Variants in RDH10 observed in about 807,000 individuals in gnomAD.
RDH10 encodes retinol dehydrogenase 10.
Under a neutral mutation model 30.2 loss-of-function variants are expected in RDH10, and 12 were observed. The ratio of observed to expected loss-of-function variants is 0.40; its 90% CI spans 0.25 to 0.64. The LOEUF (loss-of-function observed/expected upper bound fraction) is 0.64, where lower values mean the gene tolerates loss of function less well. Among genes scored for constraint, RDH10 ranks in the 30% least tolerant of loss-of-function variants. RDH10 has a pLI of 0.43. For synonymous variants in RDH10, 189 were observed against 172.2 expected (o/e 1.10, Z -0.76); for missense variants, 268 against 445.2 (o/e 0.60, Z 3.58).
intron 2 of RDH10, among the ~76,000 whole-genome samples, chr8:73,307,735 C>A (rs982410921): frequency 1.3e-5 from 2 of 152,182 alleles, no homozygotes; most frequent in Admixed American, 6.5e-5. Flanking sequence ...GTTCAAAGCT[C>A]CTGGTACAGT....
Position 73,295,822 on chromosome 8 carries a change from G to C in RDH10, c.289+244G>C, listed in dbSNP as rs553069374. ...CGGTCTCTGGGGACCACGGCGGGGG[G>C]AGGGGGCGGGTTTCCTAAGCCCTCC... On this transcript the variant is annotated intron_variant, in intron 1 of 5. Coordinates refer to ENST00000240285, the MANE Select transcript of RDH10 (RefSeq NM_172037.5). 6.5e-6 allele frequency: 8 copies of C among 1,227,402 alleles called. No homozygotes were observed. The African/African-American group carries it at 1.3e-4, about 19-fold the overall frequency. 76.0% of individuals were successfully genotyped at this position (1,227,402 alleles called of 1,614,324 possible).
At chr8:73,304,447 G>C (rs1043990291) in intron 2 of RDH10, among the ~76,000 whole-genome samples, 1 of 151,994 alleles carries the variant, frequency 6.6e-6, no homozygotes, top group Non-Finnish European at 1.5e-5. Context: ...TTCGCTTTTG[G>C]CTTTCCAACC....
At chr8:73,320,823 C>T in intron 3 of RDH10, 109 bp from the exon 4 acceptor site, 2 of 1,052,292 alleles carry the variant, frequency 1.9e-6, no homozygotes, top group Non-Finnish European at 2.8e-6. Flanking sequence ...TCACCTGTAA[C>T]CTTATGTATT....
intron 3 of RDH10, 78 bp from the exon 4 acceptor site, chr8:73,320,854 A>G (rs1814759544): frequency 7.2e-7 from 1 of 1,392,928 alleles, no homozygotes; most frequent in Non-Finnish European, 1.0e-6. Flanking sequence ...ACATGGTAAT[A>G]GGACCAGGGA....
Position 73,313,577 on chromosome 8 carries a change from C to G in RDH10, c.526-5519C>G, listed in dbSNP as rs73330924. 2.7e-3 allele frequency among the ~76,000 whole-genome samples: 404 copies of G among 152,144 alleles called. 1 individual carries two copies. Among genetic ancestry groups the G allele is most frequent in the African/African-American group, 9.4e-3 (390 of 41,458 alleles). On this transcript the variant is annotated intron_variant, in intron 2 of 5. Coordinates refer to ENST00000240285, the MANE Select transcript of RDH10 (RefSeq NM_172037.5). ...AAAGTTCTAGCTCTACATTTAATAG[C>G]CAAAGTCAGTTATTAAAAGTTTTCT...
intron 2 of RDH10, among the ~76,000 whole-genome samples, chr8:73,306,224 G>A (rs1043246911): frequency 2.0e-5 from 3 of 152,224 alleles, no homozygotes; most frequent in African/African-American, 7.2e-5. Context: ...TGGCTGGCCA[G>A]TTCCAGTCAC....
chr8:73,307,658 A>T (rs1010955680), intron 2 of RDH10, among the ~76,000 whole-genome samples: 1 of 152,242 alleles, frequency 6.6e-6, no homozygotes, highest in African/African-American at 2.4e-5. Context: ...GGAAGAAACT[A>T]GGACCCAAAC....
intron 2 of RDH10, among the ~76,000 whole-genome samples, chr8:73,316,707 G>A (rs1350232992): frequency 1.3e-5 from 2 of 152,174 alleles, no homozygotes; most frequent in Non-Finnish European, 2.9e-5. Context: ...GGCTGTACAG[G>A]AAGCATAGAG....
intron 2 of RDH10, chr8:73,297,755 A>C: frequency 4.1e-6 from 1 of 241,160 alleles, no homozygotes; most frequent in Non-Finnish European, 8.4e-6. Context: ...AGTTTATAAA[A>C]CATTGGTTGT....
intron 2 of RDH10, among the ~76,000 whole-genome samples, chr8:73,298,374 T>A (rs1308435030): frequency 1.3e-5 from 2 of 152,222 alleles, no homozygotes; most frequent in Non-Finnish European, 2.9e-5. Context: ...TAGGTCACAT[T>A]AAACCTCATT....
At chr8:73,297,096 T>G in intron 1 of RDH10, 98 bp from the exon 2 acceptor site, 1 of 736,450 alleles carries the variant, frequency 1.4e-6, no homozygotes, top group Non-Finnish European at 2.4e-6. Context: ...AGTATTTTTG[T>G]TTTGTGTGAT....
rs1009675983 is a variant in RDH10 at position 73,294,653 on chromosome 8, A to G, written c.-637A>G. 4 of 344,526 alleles carry G rather than the reference A, an allele frequency of 1.2e-5. No individual in the cohort carries two copies. The highest frequency in any genetic ancestry group is 2.1e-5 in the Non-Finnish European group (4 of 192,068). 21.3% of individuals were successfully genotyped at this position (344,526 alleles called of 1,614,324 possible). A position where few individuals can be genotyped will look rare whatever the true frequency, so the allele number is the denominator to read the frequency against. On this transcript the variant is annotated 5_prime_UTR_variant, in exon 1 of 6. Coordinates refer to ENST00000240285, the MANE Select transcript of RDH10 (RefSeq NM_172037.5). ...GCAAGCGGGCTGCGCTGCGGAGCCCAGTGCCCGAGTGACACCCGCGGAGAG... is the reference window on the plus strand; with the variant it reads ...GCAAGCGGGCTGCGCTGCGGAGCCCGGTGCCCGAGTGACACCCGCGGAGAG...
rs115035367 is a variant in RDH10, at chr8:73,324,401, A to G, written c.*1365A>G. 235 of 152,676 alleles carry G rather than the reference A, an allele frequency of 1.5e-3. 2 individuals carry two copies. The highest frequency in any genetic ancestry group is 5.3e-3 in the African/African-American group (222 of 41,554). The allele number at this position is 152,676 out of a possible 1,614,324, so 9.5% of individuals were successfully genotyped here. On this transcript the variant is annotated 3_prime_UTR_variant, in exon 6 of 6. Coordinates refer to ENST00000240285, the MANE Select transcript of RDH10 (RefSeq NM_172037.5). Reference sequence around the variant, plus strand: ...AACTTCTACCTCTGTATCTAAATGTATACCATCCACTTGTAAATGACTATA... The same window carrying G: ...AACTTCTACCTCTGTATCTAAATGTGTACCATCCACTTGTAAATGACTATA...
At chr8:73,302,281 C>A (rs1405968211) in intron 2 of RDH10, among the ~76,000 whole-genome samples, 1 of 152,194 alleles carries the variant, frequency 6.6e-6, no homozygotes, top group African/African-American at 2.4e-5. Flanking sequence ...TACTGTGAAA[C>A]ACCCAGTACA....
intron 2 of RDH10, among the ~76,000 whole-genome samples, chr8:73,307,969 C>T (rs1220318569): frequency 1.3e-5 from 2 of 152,152 alleles, no homozygotes; most frequent in African/African-American, 4.8e-5. Context: ...GCCCAACTTG[C>T]GTGTTTCTGG....
intron 1 of RDH10, among the ~76,000 whole-genome samples, chr8:73,296,654 A>G (rs867533816): frequency 3.3e-5 from 5 of 152,242 alleles, no homozygotes; most frequent in Non-Finnish European, 5.9e-5. Context: ...GCCCAGTTAG[A>G]ACAAGCCAGT....
chr8:73,295,448 G>A lies in RDH10; in HGVS notation c.159G>A (p.Ala53=). ...GAGSGLGRLF[A]LEFARRRALL... ...GCAGCGGCCTGGGCCGCCTCTTCGC[G>A]CTGGAGTTCGCCCGGCGTCGGGCGC... Residue 53 remains alanine, a synonymous_variant, in exon 1 of 6, where the codon GCG becomes GCA. Coordinates refer to ENST00000240285, the MANE Select transcript of RDH10 (RefSeq NM_172037.5). 6.4e-7 allele frequency: 1 copy of A among 1,550,414 alleles called. No homozygotes were observed. The highest frequency in any genetic ancestry group is 2.4e-5 in the East Asian group (1 of 41,092).
intron 2 of RDH10, among the ~76,000 whole-genome samples, chr8:73,304,682 C>T (rs981894102): frequency 2.4e-4 from 37 of 152,190 alleles, no homozygotes; most frequent in African/African-American, 8.4e-4. Flanking sequence ...CTTGCACACA[C>T]TTATGCTTCA....
At chr8:73,300,736 A>G (rs1814358499) in intron 2 of RDH10, among the ~76,000 whole-genome samples, 3 of 152,208 alleles carry the variant, frequency 2.0e-5, no homozygotes. Context: ...TCTACCTGAA[A>G]CACCCTCTTC....
Sources: gnomAD v4.1 joint callset for allele counts (sites outside exome capture counted in the v4.1 genomes callset) on GRCh38, gnomAD v4.1.1 for gene constraint, MANE v1.5 for transcripts, NCBI Gene and HGNC (gene_info 2026-07-23, HGNC 2026-07-21) for gene names.